Variants in ZBTB8A observed in about 807,000 individuals in gnomAD.
ZBTB8A encodes the protein zinc finger and BTB domain containing 8A.
ZBTB8A carries 19 observed loss-of-function variants against 37.8 expected under a neutral mutation model. The observed-to-expected ratio is 0.50, with a 90% CI of 0.35 to 0.74. The LOEUF is 0.74. Among genes scored for constraint, ZBTB8A ranks in the 30% least tolerant of loss-of-function variants. ZBTB8A has a pLI of 0.01. For missense variants in ZBTB8A, 394 were observed against 537.8 expected, an observed-to-expected ratio of 0.73 and a Z score of 2.65; for synonymous variants, 181 against 185.2, an observed-to-expected ratio of 0.98 and a Z score of 0.19.
intron 1 of ZBTB8A, among the ~76,000 whole-genome samples, chr1:32,547,828 C>CAAAAAAAAAAAAAAAAAAAAAAAAAA (rs1194254576): frequency 1.3e-4 from 4 of 30,466 alleles, no homozygotes; most frequent in Admixed American, 4.2e-4. Flanking sequence ...ACAAACAAAG[C>CAAAAAAAAAAAAAAAAAAAAAAAAAA]AAAAAAAAAA....
intron 2 of ZBTB8A, among the ~76,000 whole-genome samples, chr1:32,570,346 G>A (rs1644314909): frequency 6.6e-6 from 1 of 152,102 alleles, no homozygotes; most frequent in Admixed American, 6.6e-5. Flanking sequence ...TAATTACGTA[G>A]GTTAAGTTCC....
intron 2 of ZBTB8A, among the ~76,000 whole-genome samples, chr1:32,585,367 G>T (rs1644440063): frequency 6.6e-6 from 1 of 151,852 alleles, no homozygotes; most frequent in African/African-American, 2.4e-5. Flanking sequence ...TAATAAGAGA[G>T]GTTGCTACAT....
At chr1:32,551,603 T>A (rs1644156451) in intron 1 of ZBTB8A, among the ~76,000 whole-genome samples, 1 of 152,096 alleles carries the variant, frequency 6.6e-6, no homozygotes, top group African/African-American at 2.4e-5. Flanking sequence ...ATCCCGCTAC[T>A]CGGCAGGCTG....
At position 32,576,634 on chromosome 1, in the gene ZBTB8A, G is replaced by T. The variant is rs560669450; in HGVS notation, c.-1-16297G>T. The stretch of plus-strand genomic sequence containing the variant: ...AATAGAGACGGGGTCTCACTATGTT[G>T]GCCAGGCTGGTCTCAAACTCCTGAC... On this transcript the variant is annotated intron_variant, in intron 2 of 4. Coordinates refer to ENST00000373510, the MANE Select transcript of ZBTB8A (RefSeq NM_001040441.3). Among the ~76,000 whole-genome samples, 28 of 152,210 alleles carry T rather than the reference G, an allele frequency of 1.8e-4. No homozygotes were observed. The East Asian group carries it at 3.3e-3, about 18-fold the overall frequency.
chr1:32,564,240 G>C (rs1329073193), intron 2 of ZBTB8A, among the ~76,000 whole-genome samples: 1 of 152,198 alleles, frequency 6.6e-6, no homozygotes, highest in East Asian at 1.9e-4. Flanking sequence ...TCATCCCTAA[G>C]AACTCAAGAT....
chr1:32,547,295 T>C (rs1644113098), intron 1 of ZBTB8A, among the ~76,000 whole-genome samples: 1 of 152,034 alleles, frequency 6.6e-6, no homozygotes, highest in Non-Finnish European at 1.5e-5. Context: ...TATCCATGAC[T>C]TTTTAAATAT....
intron 2 of ZBTB8A, among the ~76,000 whole-genome samples, chr1:32,572,720 A>T (rs1179454266): frequency 6.6e-6 from 1 of 152,116 alleles, no homozygotes; most frequent in Non-Finnish European, 1.5e-5. Flanking sequence ...TTGATCACTT[A>T]TATCACTCAG....
Position 32,562,680 on chromosome 1 carries a change from G to A in ZBTB8A, c.-2+9140G>A, listed in dbSNP as rs12045673. Among the ~76,000 whole-genome samples the A allele has an allele frequency of 3.6e-3, 540 of 148,866 alleles. 7 individuals carry two copies. The East Asian group carries it at 0.044, about 12-fold the overall frequency. On this transcript the variant is annotated intron_variant, in intron 2 of 4. Coordinates refer to ENST00000373510, the MANE Select transcript of ZBTB8A (RefSeq NM_001040441.3). ...CAATCTCCACCTCGCTGATTCAAGC[G>A]ATTCTCCTGCCTTGCCTCAGCCTCC... is the stretch of plus-strand genomic sequence containing the variant.
At chr1:32,596,623 A>T (rs544350629) in intron 4 of ZBTB8A, among the ~76,000 whole-genome samples, 28 of 152,200 alleles carry the variant, frequency 1.8e-4, no homozygotes, top group Non-Finnish European at 3.5e-4. Context: ...GGGCTTTAGG[A>T]TCATCTCATT....
At chr1:32,547,024 A>G (rs1033235149) in intron 1 of ZBTB8A, among the ~76,000 whole-genome samples, 2 of 151,660 alleles carry the variant, frequency 1.3e-5, no homozygotes, top group African/African-American at 2.4e-5. Flanking sequence ...ACCTCAGCCT[A>G]CTGAGTAGCT....
At chr1:32,559,662 G>T (rs1432628266) in intron 2 of ZBTB8A, among the ~76,000 whole-genome samples, 1 of 150,744 alleles carries the variant, frequency 6.6e-6, no homozygotes, top group Non-Finnish European at 1.5e-5. Flanking sequence ...ATGGGGTTTC[G>T]CCATGTTGCC....
chr1:32,568,818 A>G (rs894776038), intron 2 of ZBTB8A, among the ~76,000 whole-genome samples: 9 of 152,158 alleles, frequency 5.9e-5, no homozygotes, highest in Admixed American at 1.3e-4. Flanking sequence ...TGTTGGCTCT[A>G]TTGTTCAGTA....
intron 2 of ZBTB8A, among the ~76,000 whole-genome samples, chr1:32,590,831 C>T (rs756573433): frequency 6.6e-5 from 10 of 152,070 alleles, no homozygotes; most frequent in Non-Finnish European, 1.0e-4. Context: ...TTATGCTACT[C>T]ATAGCACCTT....
intron 2 of ZBTB8A, among the ~76,000 whole-genome samples, chr1:32,557,870 C>T (rs2148222280): frequency 6.6e-6 from 1 of 152,244 alleles, no homozygotes; most frequent in Middle Eastern, 3.4e-3. Flanking sequence ...AGCGTATATC[C>T]AGACATCCAT....
At chr1:32,552,962 A>C (rs1644169267) in intron 1 of ZBTB8A, among the ~76,000 whole-genome samples, 1 of 149,070 alleles carries the variant, frequency 6.7e-6, no homozygotes, top group Non-Finnish European at 1.5e-5. Flanking sequence ...TTAATTATTA[A>C]TGATTTTCTA....
At chr1:32,585,431 A>G (rs1644440539) in intron 2 of ZBTB8A, among the ~76,000 whole-genome samples, 1 of 152,084 alleles carries the variant, frequency 6.6e-6, no homozygotes, top group Non-Finnish European at 1.5e-5. Context: ...TAATAATGCA[A>G]TAGGAAAAAA....
intron 2 of ZBTB8A, among the ~76,000 whole-genome samples, chr1:32,569,275 G>A (rs10914577): frequency 0.12 from 18,230 of 151,640 alleles, 1,165 homozygotes; most frequent in African/African-American, 0.19. Context: ...TCATTTGCCC[G>A]TGGGTTTTTT....
intron 1 of ZBTB8A, among the ~76,000 whole-genome samples, chr1:32,545,485 C>T (rs1644095756): frequency 6.6e-6 from 1 of 152,142 alleles, no homozygotes; most frequent in Non-Finnish European, 1.5e-5. Flanking sequence ...GAAACGAATG[C>T]TTAGAGTTAA....
intron 4 of ZBTB8A, among the ~76,000 whole-genome samples, chr1:32,598,458 A>G (rs928659925): frequency 6.6e-6 from 1 of 151,580 alleles, no homozygotes; most frequent in African/African-American, 2.4e-5. Flanking sequence ...GCTGATCTCA[A>G]ACTGCTGACC....
Sources: allele counts gnomAD v4.1 joint callset (sites outside exome capture counted in the v4.1 genomes callset), GRCh38; gene constraint gnomAD v4.1.1; transcripts MANE v1.5; gene names NCBI Gene and HGNC (gene_info 2026-07-23, HGNC 2026-07-21).